The following CSMD1 variants were observed in gnomAD, a reference collection of about 807,000 sequenced individuals.
CSMD1 encodes the protein CUB and sushi domain-containing protein 1.
A neutral mutation model predicts 417.5 loss-of-function variants in CSMD1; 213 were observed. The ratio of observed to expected loss-of-function variants is 0.51; its 90% CI spans 0.46 to 0.57. CSMD1 has a LOEUF of 0.57. CSMD1 is among the 20% of genes least tolerant of loss of function. The probability of loss-of-function intolerance (pLI) is 0.00; values close to 1 mark genes in which losing one functional copy is unlikely to be tolerated. For synonymous variants in CSMD1, 2,862 were observed against 1,736.8 expected (o/e 1.65, Z -16.11); for missense variants, 6,923 against 4,529.7 (o/e 1.53, Z -15.17).
In CSMD1 at chr8:3,998,104, C is replaced by G. The variant is rs1473618373; in HGVS notation, c.617G>C (p.Gly206Ala). The change falls in exon 5 of 70, where the codon GGA becomes GCA. Residue 206 changes from glycine to alanine, a missense_variant. Transcript: ENST00000635120. Reference protein sequence around the residue: ...DFPAPFCRAEGACGGTLRGTS... With the variant: ...DFPAPFCRAEAACGGTLRGTS... ...CCCGCGTAAGGTTCCTCCGCAGGCT[C>G]CCTCAGCTGCAGGGGCAAAAGCAGA... The G allele has an allele frequency of 3.8e-6, 6 of 1,563,506 alleles. No homozygotes were observed. Among genetic ancestry groups the G allele is most frequent in the Non-Finnish European group, 5.2e-6 (6 of 1,152,910 alleles).
chr8:4,378,187 T>G (rs913012121), intron 3 of CSMD1, among the ~76,000 whole-genome samples: 1 of 152,210 alleles, frequency 6.6e-6, no homozygotes, highest in African/African-American at 2.4e-5. Flanking sequence ...GCGACTCTAA[T>G]CGGCGTCCAA....
chr8:3,781,366 A>G (rs954368883), intron 5 of CSMD1, among the ~76,000 whole-genome samples: 1 of 152,120 alleles, frequency 6.6e-6, no homozygotes, highest in African/African-American at 2.4e-5. Flanking sequence ...GGTCAGGTCA[A>G]GCGCATTCTA....
chr8:4,739,957 C>G (rs564926610), intron 1 of CSMD1, among the ~76,000 whole-genome samples: 1 of 152,160 alleles, frequency 6.6e-6, no homozygotes, highest in Non-Finnish European at 1.5e-5. Flanking sequence ...ATAGTCTGAG[C>G]TAGGGAAATA....
intron 3 of CSMD1, among the ~76,000 whole-genome samples, chr8:4,407,575 A>C (rs1156625020): frequency 6.6e-6 from 1 of 152,222 alleles, no homozygotes; most frequent in Non-Finnish European, 1.5e-5. Context: ...GTATAAATGA[A>C]ATGATACCTC....
intron 1 of CSMD1, among the ~76,000 whole-genome samples, chr8:4,845,416 T>C (rs1385020798): frequency 1.3e-5 from 2 of 152,190 alleles, no homozygotes; most frequent in Non-Finnish European, 2.9e-5. Context: ...ATTGCTCTCA[T>C]TGAGAACTTG....
intron 10 of CSMD1, among the ~76,000 whole-genome samples, chr8:3,549,630 C>T (rs1235957083): frequency 6.6e-6 from 1 of 152,112 alleles, no homozygotes; most frequent in African/African-American, 2.4e-5. Context: ...GGAGGAGAAA[C>T]CTCAGCTAGC....
chr8:4,482,090 C>A (rs1372755361), intron 2 of CSMD1, among the ~76,000 whole-genome samples: 1 of 152,152 alleles, frequency 6.6e-6, no homozygotes, highest in Non-Finnish European at 1.5e-5. Flanking sequence ...GGTAGCAATA[C>A]AATAACTCTC....
chr8:3,730,436 A>G (rs1301129040), intron 6 of CSMD1, among the ~76,000 whole-genome samples: 1 of 143,252 alleles, frequency 7.0e-6, no homozygotes, highest in Non-Finnish European at 1.5e-5. Flanking sequence ...CCTCTAGGTT[A>G]GCAGAGCAAA....
intron 3 of CSMD1, among the ~76,000 whole-genome samples, chr8:4,173,667 G>A (rs962429935): frequency 5.3e-5 from 8 of 152,042 alleles, no homozygotes; most frequent in African/African-American, 1.7e-4. Context: ...CCAAAACTGT[G>A]ATAACTGTAG....
intron 2 of CSMD1, among the ~76,000 whole-genome samples, chr8:4,543,931 C>G (rs1437030725): frequency 6.6e-6 from 1 of 152,078 alleles, no homozygotes; most frequent in African/African-American, 2.4e-5. Flanking sequence ...TGTTTATCAT[C>G]TTTGGTGAGG....
At chr8:4,259,342 G>A (rs1019016526) in intron 3 of CSMD1, among the ~76,000 whole-genome samples, 3 of 152,164 alleles carry the variant, frequency 2.0e-5, no homozygotes, top group African/African-American at 7.2e-5. Context: ...ATCACAGCCT[G>A]AGAACAGGAA....
rs377759438 is a variant in CSMD1, at chr8:3,441,492, C to CATATATATATATATATAT, written c.1561+27202_1561+27219dup. Among the ~76,000 whole-genome samples, 602 of 143,422 alleles carry CATATATATATATATATAT rather than the reference C, an allele frequency of 4.2e-3. 2 individuals carry two copies. The highest frequency in any genetic ancestry group is 0.014 in the East Asian group (64 of 4,700). The allele number at this position is 143,422 out of a possible 152,430, so 94.1% of individuals were successfully genotyped here. A position where few individuals can be genotyped will look rare whatever the true frequency, so the allele number is the denominator to read the frequency against. On this transcript the variant is annotated intron_variant, in intron 12 of 69. Coordinates refer to ENST00000635120, the MANE Select transcript of CSMD1 (RefSeq NM_033225.6). ...TTCATTTGCTTATGGCATATAATTT[C>CATATATATATATATATAT]ATATATATATATATATATACACACA... is the stretch of plus-strand genomic sequence containing the variant.
At chr8:4,321,754 T>A (rs921886110) in intron 3 of CSMD1, among the ~76,000 whole-genome samples, 4 of 152,186 alleles carry the variant, frequency 2.6e-5, no homozygotes, top group African/African-American at 4.8e-5. Context: ...AAGAGTACTT[T>A]CAAAAAGGAT....
At chr8:4,430,532 T>C (rs1390714834) in intron 2 of CSMD1, among the ~76,000 whole-genome samples, 1 of 152,180 alleles carries the variant, frequency 6.6e-6, no homozygotes, top group African/African-American at 2.4e-5. Flanking sequence ...TACACTCTGA[T>C]AGACACTACT....
At chr8:4,320,219 G>C (rs1001896548) in intron 3 of CSMD1, among the ~76,000 whole-genome samples, 1 of 152,068 alleles carries the variant, frequency 6.6e-6, no homozygotes, top group Non-Finnish European at 1.5e-5. Context: ...TCGCATCTAA[G>C]CAAAAATTAC....
At chr8:4,152,730 A>C (rs906158547) in intron 3 of CSMD1, among the ~76,000 whole-genome samples, 2 of 151,802 alleles carry the variant, frequency 1.3e-5, no homozygotes, top group African/African-American at 4.9e-5. Flanking sequence ...CACACACACA[A>C]TAGATATATA....
chr8:3,670,711 A>G (rs939371227), intron 7 of CSMD1, among the ~76,000 whole-genome samples: 1 of 148,700 alleles, frequency 6.7e-6, no homozygotes, highest in African/African-American at 2.5e-5. Flanking sequence ...TGGGATATAT[A>G]TGTATATGGG....
intron 18 of CSMD1, among the ~76,000 whole-genome samples, chr8:3,371,157 G>A (rs13277712): frequency 0.084 from 12,768 of 152,174 alleles, 579 homozygotes; most frequent in Middle Eastern, 0.13. Flanking sequence ...GGCTTTTCCA[G>A]ATGTCTAGCT....
intron 68 of CSMD1, among the ~76,000 whole-genome samples, chr8:2,942,929 T>A (rs979384949): frequency 3.3e-5 from 5 of 152,244 alleles, no homozygotes; most frequent in Non-Finnish European, 7.3e-5. Flanking sequence ...AAAACATTTA[T>A]GTATTTTTTC....
Sources: allele counts gnomAD v4.1 joint callset (sites outside exome capture counted in the v4.1 genomes callset), GRCh38; gene constraint gnomAD v4.1.1; transcripts MANE v1.5; gene names NCBI Gene and HGNC (gene_info 2026-07-23, HGNC 2026-07-21).